Variants in GRM5 observed in about 807,000 individuals in gnomAD.
GRM5 encodes the protein metabotropic glutamate receptor 5.
Under a neutral mutation model 83.1 loss-of-function variants are expected in GRM5, and 19 were observed. The observed-to-expected ratio is 0.23, with a 90% CI of 0.16 to 0.34. The LOEUF is 0.34. Ranked by LOEUF, GRM5 falls within the 10% of genes least tolerant of loss-of-function variation. The probability of loss-of-function intolerance (pLI) is 1.00; values close to 1 mark genes in which losing one functional copy is unlikely to be tolerated. For missense variants in GRM5, 1,160 were observed against 1,588.3 expected (o/e 0.73, Z 4.58); for synonymous variants, 675 against 633.6 (o/e 1.07, Z -0.98).
rs1941195968 is a variant in GRM5, at chr11:88,506,875, C to T, written c.*1717G>A. 1 of 152,128 alleles carries T rather than the reference C, an allele frequency of 6.6e-6. No homozygotes were observed. Among genetic ancestry groups the T allele is most frequent in the Admixed American group, 6.5e-5 (1 of 15,296 alleles). The allele number at this position is 152,128 out of a possible 1,614,324, so 9.4% of individuals were successfully genotyped here. A position where few individuals can be genotyped will look rare whatever the true frequency, so the allele number is the denominator to read the frequency against. ...TACTTACCAAAGTAAGGATATTGAG[C>T]TAAAAGAAAAAGTTTTATTTATTAT... On this transcript the variant is annotated 3_prime_UTR_variant, in exon 10 of 10. Transcript: ENST00000305447.
chr11:88,999,619 A>G (rs1940304070), intron 2 of GRM5, among the ~76,000 whole-genome samples: 1 of 152,104 alleles, frequency 6.6e-6, no homozygotes, highest in Non-Finnish European at 1.5e-5. Flanking sequence ...GAAAAATAGG[A>G]ACACTTTTAC....
At chr11:88,743,174 A>G (rs1942062753) in intron 3 of GRM5, among the ~76,000 whole-genome samples, 1 of 152,098 alleles carries the variant, frequency 6.6e-6, no homozygotes, top group South Asian at 2.1e-4. Flanking sequence ...CCACAGTTTT[A>G]AGGGAAAAGG....
intron 3 of GRM5, among the ~76,000 whole-genome samples, chr11:88,695,845 G>A (rs1299611262): frequency 6.6e-6 from 1 of 152,152 alleles, no homozygotes; most frequent in African/African-American, 2.4e-5. Context: ...GTTGTGTGGA[G>A]CATTTATGGG....
chr11:88,872,591 A>G (rs1944788391), intron 2 of GRM5, among the ~76,000 whole-genome samples: 1 of 151,486 alleles, frequency 6.6e-6, no homozygotes, highest in Admixed American at 6.6e-5. Context: ...TATATTTCAC[A>G]CAAATAGAAA....
intron 2 of GRM5, among the ~76,000 whole-genome samples, chr11:88,911,154 T>G (rs1023274922): frequency 1.3e-5 from 2 of 152,102 alleles, no homozygotes; most frequent in Non-Finnish European, 2.9e-5. Context: ...ATATTTACCA[T>G]AGAACATCTA....
intron 2 of GRM5, among the ~76,000 whole-genome samples, chr11:88,884,744 T>C (rs1475178765): frequency 6.6e-6 from 1 of 152,294 alleles, no homozygotes; most frequent in Admixed American, 6.5e-5. Context: ...ATAAATCTTA[T>C]GAGAGCTGAT....
intron 3 of GRM5, among the ~76,000 whole-genome samples, chr11:88,729,392 T>C (rs1941755767): frequency 6.6e-6 from 1 of 151,512 alleles, no homozygotes; most frequent in Non-Finnish European, 1.5e-5. Context: ...CACAAACAAA[T>C]GGAAAAACAG....
chr11:88,525,753 G>T (rs11020201), intron 8 of GRM5, among the ~76,000 whole-genome samples: 2,902 of 152,316 alleles, frequency 0.019, 102 homozygotes, highest in African/African-American at 0.066. Context: ...TCTATTCAGT[G>T]CTTACCATGT....
intron 9 of GRM5, among the ~76,000 whole-genome samples, chr11:88,522,098 C>T (rs1256311663): frequency 6.6e-6 from 1 of 152,114 alleles, no homozygotes; most frequent in African/African-American, 2.4e-5. Flanking sequence ...CTGGAACTAG[C>T]TATTCAATAA....
At chr11:89,062,826 C>G (rs1462779359) in intron 1 of GRM5, among the ~76,000 whole-genome samples, 2 of 152,264 alleles carry the variant, frequency 1.3e-5, no homozygotes, top group Non-Finnish European at 1.5e-5. Flanking sequence ...ACTCACGGGC[C>G]TGCCCTGGGT....
At chr11:88,654,140 A>G (rs1299056682) in intron 3 of GRM5, among the ~76,000 whole-genome samples, 1 of 152,084 alleles carries the variant, frequency 6.6e-6, no homozygotes, top group Non-Finnish European at 1.5e-5. Context: ...CCTCAACATA[A>G]CTATCATTCT....
intron 2 of GRM5, among the ~76,000 whole-genome samples, chr11:88,957,500 G>A (rs1422964974): frequency 6.6e-6 from 1 of 152,180 alleles, no homozygotes; most frequent in South Asian, 2.1e-4. Flanking sequence ...TCTAAACAAC[G>A]GGGATGAAGA....
intron 2 of GRM5, among the ~76,000 whole-genome samples, chr11:88,900,776 A>G (rs1180639624): frequency 6.6e-6 from 1 of 152,184 alleles, no homozygotes; most frequent in Non-Finnish European, 1.5e-5. Context: ...ATTCCAGTAG[A>G]TAAAATAATA....
chr11:88,721,195 T>C lies in GRM5; in HGVS notation c.912-67792A>G, dbSNP rs184481141. Among the ~76,000 whole-genome samples the C allele has an allele frequency of 3.9e-5, 6 of 152,144 alleles. 1 individual carries two copies. Among genetic ancestry groups the C allele is most frequent in the Admixed American group, 3.9e-4 (6 of 15,252 alleles). On this transcript the variant is annotated intron_variant, in intron 3 of 9. Coordinates refer to ENST00000305447, the MANE Select transcript of GRM5 (RefSeq NM_001143831.3). ...ACCACGATGGTGATACAAAGCACACTCAACAATCGTTGGCTATAACAGTGA... is the reference window on the plus strand; with the variant it reads ...ACCACGATGGTGATACAAAGCACACCCAACAATCGTTGGCTATAACAGTGA...
chr11:88,978,264 A>G (rs1939403759), intron 2 of GRM5, among the ~76,000 whole-genome samples: 1 of 152,142 alleles, frequency 6.6e-6, no homozygotes, highest in Admixed American at 6.5e-5. Context: ...GAAAGCTGGA[A>G]GAAACTTTTG....
intron 3 of GRM5, among the ~76,000 whole-genome samples, chr11:88,748,433 G>T (rs749325428): frequency 4.6e-5 from 7 of 152,104 alleles, no homozygotes; most frequent in African/African-American, 1.7e-4. Flanking sequence ...GTGGGTTGAG[G>T]TCTTCCTGAG....
chr11:88,760,807 A>C (rs1165419125), intron 3 of GRM5, among the ~76,000 whole-genome samples: 1 of 152,154 alleles, frequency 6.6e-6, no homozygotes, highest in Admixed American at 6.6e-5. Flanking sequence ...AAAAATCCTC[A>C]ACAAAATACT....
intron 3 of GRM5, among the ~76,000 whole-genome samples, chr11:88,787,081 A>G (rs1284388156): frequency 1.3e-5 from 2 of 151,968 alleles, no homozygotes; most frequent in Non-Finnish European, 2.9e-5. Context: ...AGTTAATAGA[A>G]TGAACAAAAC....
chr11:88,772,411 A>AT (rs922746862), intron 3 of GRM5, among the ~76,000 whole-genome samples: 172 of 145,616 alleles, frequency 1.2e-3, no homozygotes, highest in Middle Eastern at 7.0e-3. Flanking sequence ...TACTTTTTTT[A>AT]TTTTTTTTTT....
Sources: allele counts gnomAD v4.1 joint callset (sites outside exome capture counted in the v4.1 genomes callset), GRCh38; gene constraint gnomAD v4.1.1; transcripts MANE v1.5; gene names NCBI Gene and HGNC (gene_info 2026-07-23, HGNC 2026-07-21).